Variants in LDB1 observed in about 807,000 individuals in gnomAD.
LDB1 encodes the protein LIM domain binding 1, also known as LIM domain-binding protein 1.
Under a neutral mutation model 49.7 loss-of-function variants are expected in LDB1, and 6 were observed. That is an observed-to-expected ratio of 0.12 (90% CI 0.07 to 0.24). LDB1 has a LOEUF of 0.24. Ranked by LOEUF, LDB1 falls within the 10% of genes least tolerant of loss-of-function variation. The probability of loss-of-function intolerance (pLI) is 1.00; values close to 1 mark genes in which losing one functional copy is unlikely to be tolerated. For missense variants in LDB1, 341 were observed against 561.7 expected (o/e 0.61, Z 3.97); for synonymous variants, 233 against 202.0 (o/e 1.15, Z -1.30).
downstream of LDB1, among the ~76,000 whole-genome samples, chr10:102,104,778 C>T (rs1388515636): frequency 6.6e-6 from 1 of 152,132 alleles, no homozygotes; most frequent in Non-Finnish European, 1.5e-5. Context: ...CCAACCGAGT[C>T]ACACAACCAC....
At chr10:102,114,836 C>G (rs1412039770) in intron 1 of LDB1, 1 of 983,646 alleles carries the variant, frequency 1.0e-6, no homozygotes, top group South Asian at 4.7e-5. Context: ...CCCAGGCCAC[C>G]GGGCCCCTCT....
At chr10:102,113,669 G>A (rs762785633) in intron 1 of LDB1, among the ~76,000 whole-genome samples, 2 of 150,858 alleles carry the variant, frequency 1.3e-5, no homozygotes, top group African/African-American at 2.4e-5. Context: ...AACCACCCCT[G>A]CCTCCTCAGT....
At chr10:102,113,511 C>G (rs2068285919) in intron 1 of LDB1, among the ~76,000 whole-genome samples, 1 of 152,170 alleles carries the variant, frequency 6.6e-6, no homozygotes, top group South Asian at 2.1e-4. Flanking sequence ...ACCAAGTCTC[C>G]CCAATCCACA....
At chr10:102,120,472 C>G, upstream of LDB1, 2 of 839,210 alleles carry the variant, frequency 2.4e-6, no homozygotes, top group Non-Finnish European at 2.9e-6. Context: ...CTCCCTCGCG[C>G]CGGCGCCGGC....
downstream of LDB1, among the ~76,000 whole-genome samples, chr10:102,104,815 C>T (rs138717016): frequency 7.8e-4 from 119 of 152,304 alleles, 1 homozygote; most frequent in East Asian, 0.02. Context: ...TAACTCAACA[C>T]AGTCGCACTG....
At position 102,107,170 on chromosome 10, in the gene LDB1, C is replaced by G. The variant is rs1302864212; in HGVS notation, c.*923G>C. On this transcript the variant is annotated 3_prime_UTR_variant, in exon 11 of 11. Transcript: ENST00000673968. ...CCTAAGGGAAGGAGCCTCCCCTCCC[C>G]GCATCCTAGACAGCTGCTCTTGTGG... Among the ~76,000 whole-genome samples, 1 of 152,110 alleles carries G rather than the reference C, an allele frequency of 6.6e-6. No individual in the cohort carries two copies. The highest frequency in any genetic ancestry group is 1.5e-5 in the Non-Finnish European group (1 of 68,012).
At chr10:102,114,018 C>G (rs538543153) in intron 1 of LDB1, among the ~76,000 whole-genome samples, 3 of 152,200 alleles carry the variant, frequency 2.0e-5, no homozygotes, top group African/African-American at 7.2e-5. Context: ...GCTGCCTGTC[C>G]CCAGCAGCAG....
At chr10:102,103,069 G>A (rs1294011598), downstream of LDB1, among the ~76,000 whole-genome samples, 2 of 152,210 alleles carry the variant, frequency 1.3e-5, no homozygotes, top group Non-Finnish European at 2.9e-5. Flanking sequence ...TTACTTTGTT[G>A]TTCAGGCTGG....
At chr10:102,111,609 A>G in intron 1 of LDB1, 73 bp from the exon 2 acceptor site, 1 of 846,734 alleles carries the variant, frequency 1.2e-6, no homozygotes, top group Non-Finnish European at 1.8e-6. Context: ...TGGGAGTCCA[A>G]GGCAAGAAGA....
chr10:102,120,715 G>C (rs1047998312), upstream of LDB1, among the ~76,000 whole-genome samples: 1 of 152,208 alleles, frequency 6.6e-6, no homozygotes, highest in Non-Finnish European at 1.5e-5. Context: ...GGAGGGCGAA[G>C]GGGAGGGCTT....
At chr10:102,110,794 C>T in intron 5 of LDB1, 75 bp downstream of exon 5, 3 of 1,580,436 alleles carry the variant, frequency 1.9e-6, no homozygotes. Flanking sequence ...CCCTGGCACT[C>T]CCAGACCCAC....
intron 1 of LDB1, among the ~76,000 whole-genome samples, chr10:102,112,068 C>G (rs553489042): frequency 1.3e-5 from 2 of 152,116 alleles, no homozygotes; most frequent in African/African-American, 2.4e-5. Flanking sequence ...CTAATCCCAG[C>G]GCATACCCAA....
rs756494755 is a variant in LDB1 at position 102,111,505 on chromosome 10, C to A, written c.57G>T (p.Ser19=). Residue 19 remains serine, a synonymous_variant, in exon 2 of 11, where the codon TCG becomes TCT. Transcript: ENST00000673968. ...GCSSKSFKLY[S]PKEPPNGNAF... is the part of the protein sequence containing the mutation. Reference sequence around the variant, plus strand: ...CGTTGCCGTTCGGGGGCTCCTTCGGCGAGTACAGCTTGAATGACTTTGAGG... The same window carrying A: ...CGTTGCCGTTCGGGGGCTCCTTCGGAGAGTACAGCTTGAATGACTTTGAGG... 2 of 1,550,244 alleles carry A rather than the reference C, an allele frequency of 1.3e-6. No homozygotes were observed. Among genetic ancestry groups the A allele is most frequent in the East Asian group, 2.3e-5 (1 of 44,334 alleles).
intron 1 of LDB1, chr10:102,114,761 T>G: frequency 1.1e-6 from 1 of 888,172 alleles, no homozygotes; most frequent in Non-Finnish European, 1.3e-6. Flanking sequence ...CTCCTCCTCC[T>G]CCTTCTCGGC....
chr10:102,111,499 CT>C lies in LDB1; in HGVS notation c.62del (p.Lys21ArgfsTer84). On this transcript the variant is annotated frameshift_variant, in exon 2 of 11. Transcript: ENST00000673968. LOFTEE classifies it high-confidence loss of function. ...GAAAGGCGTTGCCGTTCGGGGGCTCCTTCGGCGAGTACAGCTTGAATGACTT... is the reference window on the plus strand; with the variant it reads ...GAAAGGCGTTGCCGTTCGGGGGCTCCTCGGCGAGTACAGCTTGAATGACTT... Reference protein sequence around the residue: ...SSKSFKLYSPKEPPNGNAFPP... With the variant: ...SSKSFKLYSPXEPPNGNAFPP... 2 of 1,554,592 alleles carry C rather than the reference CT, an allele frequency of 1.3e-6. No homozygotes were observed. Among genetic ancestry groups the C allele is most frequent in the African/African-American group, 1.4e-5 (1 of 73,078 alleles).
At chr10:102,120,789 G>A (rs2133543018), upstream of LDB1, among the ~76,000 whole-genome samples, 1 of 152,324 alleles carries the variant, frequency 6.6e-6, no homozygotes. Context: ...GTCTGGCTGA[G>A]CCGGAGCGGG....
chr10:102,103,450 C>T (rs899877259), downstream of LDB1, among the ~76,000 whole-genome samples: 32 of 152,186 alleles, frequency 2.1e-4, no homozygotes, highest in African/African-American at 7.7e-4. Context: ...AAGTAATTCT[C>T]CCACCTCAGC....
chr10:102,110,424 T>G (rs553880341), intron 6 of LDB1, 105 bp downstream of exon 6: 1 of 1,210,484 alleles, frequency 8.3e-7, no homozygotes, highest in Admixed American at 2.5e-5. Context: ...ATTTTGCCAG[T>G]TCACATTATG....
At chr10:102,115,001 A>C in intron 1 of LDB1, 1 of 289,484 alleles carries the variant, frequency 3.5e-6, no homozygotes, top group Non-Finnish European at 5.2e-6. Flanking sequence ...CTCTCTCAGA[A>C]TGAGGCCCCA....
Sources: allele counts gnomAD v4.1 joint callset (sites outside exome capture counted in the v4.1 genomes callset), GRCh38; gene constraint gnomAD v4.1.1; transcripts MANE v1.5; gene names NCBI Gene and HGNC (gene_info 2026-07-23, HGNC 2026-07-21).